Variants in HERC6 observed in about 807,000 individuals in gnomAD.
The protein encoded by HERC6 is probable E3 ubiquitin-protein ligase HERC6.
A neutral mutation model predicts 114.5 loss-of-function variants in HERC6; 101 were observed. That is an observed-to-expected ratio of 0.88 (90% CI 0.75 to 1.04). The LOEUF (loss-of-function observed/expected upper bound fraction) is 1.04. Among genes scored for constraint, HERC6 ranks in the 50% least tolerant of loss-of-function variants. The pLI is 0.00. For missense variants in HERC6, 1,133 were observed against 1,230.9 expected (o/e 0.92, Z 1.19); for synonymous variants, 408 against 436.2 (o/e 0.94, Z 0.81).
chr4:88,439,838 CTTTCTTTTT>C, intron 20 of HERC6, 27 bp from the exon 21 acceptor site: 4 of 1,284,496 alleles, frequency 3.1e-6, no homozygotes, highest in Non-Finnish European at 4.1e-6. Flanking sequence ...CTTTTCCTTC[CTTTCTTTTT>C]TTTTTTTTTT....
intron 5 of HERC6, among the ~76,000 whole-genome samples, chr4:88,393,793 T>A (rs1735050489): frequency 6.6e-6 from 1 of 152,162 alleles, no homozygotes; most frequent in Non-Finnish European, 1.5e-5. Flanking sequence ...GCAGATTTGA[T>A]GTCTGATGAG....
intron 10 of HERC6, among the ~76,000 whole-genome samples, chr4:88,407,910 A>G (rs1181751984): frequency 1.3e-5 from 2 of 152,200 alleles, no homozygotes; most frequent in East Asian, 1.9e-4. Context: ...AGGTCTTTCA[A>G]TATGAGAGGG....
chr4:88,405,446 C>A, intron 9 of HERC6, 108 bp from the exon 10 acceptor site: 1 of 537,380 alleles, frequency 1.9e-6, no homozygotes, highest in Non-Finnish European at 3.2e-6. Context: ...TAGTTATTTT[C>A]ATTAATAATT....
chr4:88,406,441 C>G (rs1024160622), intron 10 of HERC6, among the ~76,000 whole-genome samples: 10 of 152,156 alleles, frequency 6.6e-5, no homozygotes, highest in Non-Finnish European at 1.5e-5. Context: ...AGTTCTTAAC[C>G]CAGCTGCATT....
At position 88,428,614 on chromosome 4, in the gene HERC6, A is replaced by G; in HGVS notation, c.1970A>G (p.Glu657Gly). ...AAGAAAGCATACATGCTTATGCATG[A>G]AACAATTCTGCAAAAAAAGGATGAA... ...SEKKAYMLMH[E>G]TILQKKDEFP... is the part of the protein sequence containing the mutation. The change falls in exon 16 of 23, where the codon GAA (glutamate) becomes GGA (glycine). Residue 657 changes from glutamate (E) to glycine (G), a missense_variant. Around this residue, in one of 3 missense-constraint regions of HERC6, gnomAD observed 388 missense variants for 445.9 expected, o/e 0.87. Transcript: ENST00000264346. The G allele has an allele frequency of 6.2e-7, 1 of 1,608,182 alleles. No individual in the cohort carries two copies. Among genetic ancestry groups the G allele is most frequent in the South Asian group, 1.1e-5 (1 of 89,144 alleles).
intron 12 of HERC6, 112 bp from the exon 13 acceptor site, chr4:88,417,313 C>A: frequency 1.0e-6 from 1 of 981,198 alleles, no homozygotes; most frequent in Non-Finnish European, 1.5e-6. Flanking sequence ...TAAATTATGC[C>A]ATCAGAAATG....
At chr4:88,380,750 T>C (rs979162534) in intron 1 of HERC6, among the ~76,000 whole-genome samples, 1 of 150,876 alleles carries the variant, frequency 6.6e-6, no homozygotes, top group Non-Finnish European at 1.5e-5. Flanking sequence ...ATATATTATA[T>C]ATGTGAGATA....
rs775530962 is a variant in HERC6 at position 88,383,222 on chromosome 4, A to T, written c.201A>T (p.Glu67Asp). 1 of 1,610,148 alleles carries T rather than the reference A, an allele frequency of 6.2e-7. No individual in the cohort carries two copies. The highest frequency in any genetic ancestry group is 8.5e-7 in the Non-Finnish European group (1 of 1,178,282). The change falls in exon 2 of 23, where the codon GAA becomes GAT. Residue 67 changes from glutamate (E) to aspartate (D), a missense_variant and splice_region_variant. Transcript: ENST00000264346. ...RRGAQRGELP[E>D]PIQALETLIV... Reference sequence around the variant, plus strand: ...GGTGTTTTGTTTTGTTTCCCAAAGAACCAATTCAGGCATTGGAAACCCTAA... The same window carrying T: ...GGTGTTTTGTTTTGTTTCCCAAAGATCCAATTCAGGCATTGGAAACCCTAA...
In HERC6 at chr4:88,408,521, A is replaced by G. The variant is rs982285627; in HGVS notation, c.1275-3A>G. 8 of 1,579,810 alleles carry G rather than the reference A, an allele frequency of 5.1e-6. No individual in the cohort carries two copies. The African/African-American group carries it at 8.1e-5, about 16-fold the overall frequency. ...TGGTTTCTTGCATTTCTTGTATCCA[A>G]AGAGGAACTGGAGAAACGACTTCCA... On this transcript the variant is annotated splice_polypyrimidine_tract_variant and splice_region_variant and intron_variant, in intron 10 of 22. Coordinates refer to ENST00000264346, the MANE Select transcript of HERC6 (RefSeq NM_017912.4).
Position 88,417,529 on chromosome 4 carries a change from G to A in HERC6, c.1663G>A (p.Asp555Asn). The A allele has an allele frequency of 6.2e-7, 1 of 1,612,934 alleles. No individual in the cohort carries two copies. Among genetic ancestry groups the A allele is most frequent in the Non-Finnish European group, 8.5e-7 (1 of 1,179,490 alleles). ...GCTTCATCAGACTAAAACCGAACAG[G>A]ATCACTGTAATGTTAAAGCTCTTTT... Reference protein sequence around the residue: ...QLLHQTKTEQDHCNVKALLGM... With the variant: ...QLLHQTKTEQNHCNVKALLGM... Residue 555 changes from aspartate (D) to asparagine (N), a missense_variant, in exon 13 of 23, where the codon GAT becomes AAT. Physicochemically the swap from Asp to Asn is conservative, Grantham distance 23 (BLOSUM62 1). Transcript: ENST00000264346.
intron 3 of HERC6, among the ~76,000 whole-genome samples, chr4:88,389,956 C>G (rs1042220086): frequency 3.2e-4 from 48 of 152,076 alleles, no homozygotes; most frequent in African/African-American, 1.2e-3. Context: ...GCAGGTGGAT[C>G]ACCTGAGGTC....
intron 1 of HERC6, 112 bp downstream of exon 1, chr4:88,379,232 C>A: frequency 1.2e-6 from 1 of 854,388 alleles, no homozygotes; most frequent in East Asian, 3.0e-5. Context: ...GGGTGAGGGG[C>A]GCGGGGGCCC....
intron 4 of HERC6, 87 bp from the exon 5 acceptor site, chr4:88,393,401 A>G: frequency 1.6e-6 from 1 of 618,824 alleles, no homozygotes; most frequent in Non-Finnish European, 2.6e-6. Flanking sequence ...ACACAAAAAA[A>G]GAAATATAAA....
At chr4:88,387,792 A>T (rs1734664368) in intron 3 of HERC6, among the ~76,000 whole-genome samples, 1 of 152,234 alleles carries the variant, frequency 6.6e-6, no homozygotes, top group Admixed American at 6.5e-5. Flanking sequence ...CATATAGCAG[A>T]GGCACCATAA....
At chr4:88,408,184 G>A (rs79410428) in intron 10 of HERC6, among the ~76,000 whole-genome samples, 248 of 152,330 alleles carry the variant, frequency 1.6e-3, no homozygotes, top group African/African-American at 5.5e-3. Flanking sequence ...TGAATGGTAA[G>A]GAGGGTGGGG....
At chr4:88,391,460 C>T (rs1374069608) in intron 4 of HERC6, among the ~76,000 whole-genome samples, 1 of 152,232 alleles carries the variant, frequency 6.6e-6, no homozygotes, top group African/African-American at 2.4e-5. Context: ...TGTAACTTAA[C>T]ATATTTACAG....
intron 13 of HERC6, among the ~76,000 whole-genome samples, chr4:88,419,470 C>T (rs1363202818): frequency 6.6e-6 from 1 of 152,200 alleles, no homozygotes; most frequent in Non-Finnish European, 1.5e-5. Context: ...CAGTGATTCA[C>T]AGAAGAGCTC....
Position 88,442,578 on chromosome 4 carries a change from G to A in HERC6, c.*118G>A. 1.3e-6 allele frequency: 1 copy of A among 781,338 alleles called. No individual in the cohort carries two copies. Among genetic ancestry groups the A allele is most frequent in the Non-Finnish European group, 2.1e-6 (1 of 474,302 alleles). 48.4% of individuals were successfully genotyped at this position (781,338 alleles called of 1,614,324 possible). A position where few individuals can be genotyped will look rare whatever the true frequency, so the allele number is the denominator to read the frequency against. ...GTTAGAAGTAGTTGAGGGAGAGATT[G>A]GGGGAATGGGGAGATGATGATGATG... is the stretch of plus-strand genomic sequence containing the variant. On this transcript the variant is annotated 3_prime_UTR_variant, in exon 23 of 23. Coordinates refer to ENST00000264346, the MANE Select transcript of HERC6 (RefSeq NM_017912.4).
intron 2 of HERC6, among the ~76,000 whole-genome samples, chr4:88,384,541 G>A (rs1010557633): frequency 2.0e-5 from 3 of 152,132 alleles, no homozygotes; most frequent in Non-Finnish European, 4.4e-5. Flanking sequence ...ATTTTCAAAC[G>A]CATGCTTTTT....
Sources: gnomAD v4.1 joint callset for allele counts (sites outside exome capture counted in the v4.1 genomes callset) on GRCh38, gnomAD v4.1.1 for gene constraint, gnomAD v4.1.1 regional missense constraint, MANE v1.5 for transcripts, NCBI Gene and HGNC (gene_info 2026-07-23, HGNC 2026-07-21) for gene names.